The following SLC52A1 variants were observed in gnomAD, a reference collection of about 807,000 sequenced individuals.
SLC52A1 encodes solute carrier family 52, riboflavin transporter, member 1.
A neutral mutation model predicts 23.2 loss-of-function variants in SLC52A1; 20 were observed. The ratio of observed to expected loss-of-function variants is 0.86; its 90% confidence interval spans 0.61 to 1.25. The LOEUF is 1.25. Ranked by LOEUF, SLC52A1 falls within the 50% of genes most tolerant of loss-of-function variation. The pLI is 0.00. For synonymous variants in SLC52A1, 260 were observed against 256.6 expected (o/e 1.01, Z -0.13); for missense variants, 528 against 557.0 (o/e 0.95, Z 0.52).
At position 5,032,824 on chromosome 17, in the gene SLC52A1, TC is replaced by T. The variant is rs1324993850; in HGVS notation, c.*132del. ...ACCCTGGCCTCACATGCCAACGTCT[TC>T]TGTGGAGTGTGCAGGTGTCCATGAG... On this transcript the variant is annotated 3_prime_UTR_variant, in exon 5 of 5. Coordinates refer to ENST00000254853, the MANE Select transcript of SLC52A1 (RefSeq NM_017986.4). 4.9e-6 allele frequency: 4 copies of T among 811,340 alleles called. No homozygotes were observed. In the Admixed American group the frequency reaches 1.0e-4, roughly 21 times the overall value. The allele number at this position is 811,340 out of a possible 1,614,324, so 50.3% of individuals were successfully genotyped here.
chr17:5,033,101 A>ATGCAGCAGGGAGCT lies in SLC52A1; in HGVS notation c.1189_1202dup (p.His401GlnfsTer48). 6.2e-7 allele frequency: 1 copy of ATGCAGCAGGGAGCT among 1,613,818 alleles called. No homozygotes were observed. On this transcript the variant is annotated frameshift_variant, in exon 5 of 5. Transcript: ENST00000254853. LOFTEE classifies it low-confidence loss of function (END_TRUNC). ...CCAGCAATGCCGGCCGACCCCCACC[A>ATGCAGCAGGGAGCT]TGCAGCAGGGAGCTTGCAGCCACCT...
At chr17:5,037,941 C>T (rs1288060244), upstream of SLC52A1, among the ~76,000 whole-genome samples, 15 of 81,176 alleles carry the variant, frequency 1.8e-4, no homozygotes, top group South Asian at 1.6e-3. Context: ...TTTTTTGAGA[C>T]GGAGTCTCAC....
chr17:5,033,197 G>A (rs891916555), intron 4 of SLC52A1, 28 bp from the exon 5 acceptor site: 32 of 1,613,022 alleles, frequency 2.0e-5, no homozygotes, highest in Non-Finnish European at 2.5e-5. Context: ...GCAGCAGGCT[G>A]AGCATGACAT....
rs1975341916 is a variant in SLC52A1, at chr17:5,032,810, A to C, written c.*147T>G. The C allele has an allele frequency of 3.5e-5, 26 of 747,338 alleles. 1 individual carries two copies. In the South Asian group the frequency reaches 4.7e-4, roughly 14 times the overall value. 46.3% of individuals were successfully genotyped at this position (747,338 alleles called of 1,614,324 possible). A position where few individuals can be genotyped will look rare whatever the true frequency, so the allele number is the denominator to read the frequency against. On this transcript the variant is annotated 3_prime_UTR_variant, in exon 5 of 5. Transcript: ENST00000254853. ...GGTCTTTGGTGCCCACCCTGGCCTC[A>C]CATGCCAACGTCTTCTGTGGAGTGT...
chr17:5,033,952 G>A lies in SLC52A1; in HGVS notation c.537C>T (p.Gly179=). Residue 179 remains glycine (G), a synonymous_variant, in exon 3 of 5, where the codon GGC becomes GGT. Transcript: ENST00000254853. ...RLECPPAPTN[G]TSGPPLDFPE... is the part of the protein sequence containing the mutation. The stretch of plus-strand genomic sequence containing the variant: ...GGAAGTCGAGGGGAGGCCCAGAGGT[G>A]CCATTGGTGGGCGCTGGTGGGCACT... 6.2e-7 allele frequency: 1 copy of A among 1,614,200 alleles called. No individual in the cohort carries two copies. The highest frequency in any genetic ancestry group is 8.5e-7 in the Non-Finnish European group (1 of 1,180,028).
At chr17:5,036,040 C>CTTT (rs34027393), upstream of SLC52A1, among the ~76,000 whole-genome samples, 584 of 69,714 alleles carry the variant, frequency 8.4e-3, 3 homozygotes, top group Non-Finnish European at 0.013. Flanking sequence ...TGTTTTTACA[C>CTTT]TTTTTTTTTT....
At chr17:5,037,727 C>A (rs933482085), upstream of SLC52A1, among the ~76,000 whole-genome samples, 4 of 152,066 alleles carry the variant, frequency 2.6e-5, no homozygotes, top group African/African-American at 7.2e-5. Flanking sequence ...ATCTCCCTCA[C>A]TAGGATGTAC....
intron 1 of SLC52A1, among the ~76,000 whole-genome samples, chr17:5,042,151 G>A (rs779750095): frequency 3.3e-5 from 5 of 152,218 alleles, no homozygotes; most frequent in Admixed American, 6.6e-5. Flanking sequence ...TAGCATTCTC[G>A]TGTTGGGGAT....
At position 5,033,539 on chromosome 17, in the gene SLC52A1, A is replaced by G. The variant is rs1004440864; in HGVS notation, c.950T>C (p.Val317Ala). The G allele has an allele frequency of 1.2e-6, 2 of 1,613,868 alleles. No homozygotes were observed. The highest frequency in any genetic ancestry group is 3.3e-5 in the Admixed American group (2 of 60,006). Residue 317 changes from valine to alanine, a missense_variant, in exon 3 of 5, where the codon GTG becomes GCG. Coordinates refer to ENST00000254853, the MANE Select transcript of SLC52A1 (RefSeq NM_017986.4). The stretch of plus-strand genomic sequence containing the variant: ...GGGGTTGGCGGCACTGCCCAGCACC[A>G]CAGCCAGGTGGTAGGCCAGGCGCCC... ...PYGRLAYHLA[V>A]VLGSAANPLA...
rs578212063 is a variant in SLC52A1 at position 5,034,075 on chromosome 17, G to A, written c.414C>T (p.His138=). The change falls in exon 3 of 5, where the codon CAC becomes CAT. Residue 138 remains histidine (H), a synonymous_variant. Transcript: ENST00000254853. ...SNVTFLPFLS[H]LPPPFLRSFF... ...AAGACCGTAAGAAAGGAGGTGGCAGGTGGCTCAGGAAGGGCAGGAAAGTGA... is the reference window on the plus strand; with the variant it reads ...AAGACCGTAAGAAAGGAGGTGGCAGATGGCTCAGGAAGGGCAGGAAAGTGA... 181 of 1,614,224 alleles carry A rather than the reference G, an allele frequency of 1.1e-4. 2 individuals carry two copies. The South Asian group carries it at 1.9e-3, about 17-fold the overall frequency.
upstream of SLC52A1, among the ~76,000 whole-genome samples, chr17:5,039,691 C>T (rs1001760228): frequency 2.0e-5 from 3 of 152,104 alleles, no homozygotes; most frequent in Non-Finnish European, 2.9e-5. Flanking sequence ...AGGCTGGTCT[C>T]GAACTCCTGA....
upstream of SLC52A1, among the ~76,000 whole-genome samples, chr17:5,039,558 G>A (rs933869433): frequency 3.3e-5 from 5 of 149,568 alleles, no homozygotes; most frequent in African/African-American, 7.4e-5. Flanking sequence ...CGCAACATCC[G>A]CCTCCTGGGT....
At chr17:5,035,715 C>CG (rs1336955126), upstream of SLC52A1, among the ~76,000 whole-genome samples, 2 of 151,860 alleles carry the variant, frequency 1.3e-5, no homozygotes, top group Non-Finnish European at 2.9e-5. Flanking sequence ...AATTTTGAGA[C>CG]GGGGTCTCAC....
chr17:5,034,009 C>A lies in SLC52A1; in HGVS notation c.480G>T (p.Val160=). The change falls in exon 3 of 5, where the codon GTG becomes GTT. Residue 160 remains valine, a synonymous_variant. Coordinates refer to ENST00000254853, the MANE Select transcript of SLC52A1 (RefSeq NM_017986.4). ...GQGLSALLPC[V]LALVQGVGRL... is the part of the protein sequence containing the mutation. ...GGCCCACACCTTGCACTAGGGCCAG[C>A]ACACAGGGGAGTAGGGCACTGAGAC... The A allele has an allele frequency of 1.2e-6, 2 of 1,613,972 alleles. No individual in the cohort carries two copies. Among genetic ancestry groups the A allele is most frequent in the East Asian group, 4.5e-5 (2 of 44,888 alleles).
Position 5,034,879 on chromosome 17 carries a change from C to T in SLC52A1, c.-126G>A, listed in dbSNP as rs1230254735. On this transcript the variant is annotated 5_prime_UTR_variant, in exon 1 of 5. Coordinates refer to ENST00000254853, the MANE Select transcript of SLC52A1 (RefSeq NM_017986.4). ...GACTTACCACGGGGCACCGGCTGTG[C>T]GTTTGGGTACAGCGACCCAGCAGTG... is the stretch of plus-strand genomic sequence containing the variant. 1.9e-5 allele frequency: 7 copies of T among 362,326 alleles called. No homozygotes were observed. The highest frequency in any genetic ancestry group is 1.3e-4 in the South Asian group (4 of 29,674). 22.4% of individuals were successfully genotyped at this position (362,326 alleles called of 1,614,324 possible).
chr17:5,041,467 GTTTTGTTTTA>G lies in SLC52A1; in HGVS notation c.-107-6764_-107-6755del, dbSNP rs1240617662. Among the ~76,000 whole-genome samples, 6 of 149,400 alleles carry G rather than the reference GTTTTGTTTTA, an allele frequency of 4.0e-5. No individual in the cohort carries two copies. The East Asian group carries it at 1.2e-3, about 29-fold the overall frequency. On this transcript the variant is annotated intron_variant, in intron 1 of 3. Transcript: ENST00000512825. Reference sequence around the variant, plus strand: ...CCAGCGAATTTTTTTTTGTTTCTTTGTTTTGTTTTATTTTGTTTTGTTTTTCTGAGATGGA... The same window carrying G: ...CCAGCGAATTTTTTTTTGTTTCTTTGTTTTGTTTTGTTTTTCTGAGATGGA...
At position 5,034,045 on chromosome 17, in the gene SLC52A1, GA is replaced by G; in HGVS notation, c.443del (p.Phe148SerfsTer16). On this transcript the variant is annotated frameshift_variant, in exon 3 of 5. Coordinates refer to ENST00000254853, the MANE Select transcript of SLC52A1 (RefSeq NM_017986.4). LOFTEE classifies it high-confidence loss of function. ...HLPPPFLRSF[F>X]LGQGLSALLP... is the part of the protein sequence containing the mutation. ...GTAGGGCACTGAGACCCTGACCCAG[GA>G]AGAAAGACCGTAAGAAAGGAGGTGG... The G allele has an allele frequency of 1.2e-6, 2 of 1,614,184 alleles. No individual in the cohort carries two copies. The highest frequency in any genetic ancestry group is 1.7e-6 in the Non-Finnish European group (2 of 1,180,016).
At chr17:5,034,388 A>G (rs778245551) in intron 2 of SLC52A1, 30 bp from the exon 3 acceptor site, 1 of 1,594,388 alleles carries the variant, frequency 6.3e-7, no homozygotes, top group Admixed American at 1.7e-5. Flanking sequence ...CCATGTCAGG[A>G]GCACAGTGGC....
At chr17:5,037,124 G>A (rs1303517929), upstream of SLC52A1, among the ~76,000 whole-genome samples, 1 of 152,136 alleles carries the variant, frequency 6.6e-6, no homozygotes, top group Non-Finnish European at 1.5e-5. Context: ...ACTCCAGCTT[G>A]GGTGACAGTG....
Sources: allele counts gnomAD v4.1 joint callset (sites outside exome capture counted in the v4.1 genomes callset), GRCh38; gene constraint gnomAD v4.1.1; transcripts MANE v1.5; gene names NCBI Gene and HGNC (gene_info 2026-07-23, HGNC 2026-07-21).